TUSC3: variants seen among roughly 807,000 people sequenced by gnomAD.
TUSC3 encodes dolichyl-diphosphooligosaccharide--protein glycosyltransferase subunit TUSC3.
Under a neutral mutation model 44.8 loss-of-function variants are expected in TUSC3, and 45 were observed. The ratio of observed to expected loss-of-function variants is 1.00; its 90% CI spans 0.79 to 1.29. The LOEUF (loss-of-function observed/expected upper bound fraction) is 1.29. Among genes scored for constraint, TUSC3 ranks in the 50% most tolerant of loss-of-function variants. The probability of loss-of-function intolerance (pLI) is 0.00; values close to 1 mark genes in which losing one functional copy is unlikely to be tolerated. For synonymous variants in TUSC3, 212 were observed against 152.9 expected (o/e 1.39, Z -2.85); for missense variants, 519 against 437.9 (o/e 1.19, Z -1.65).
intron 1 of TUSC3, among the ~76,000 whole-genome samples, chr8:15,555,304 TTTTTTTTA>T (rs1307011809): frequency 1.9e-5 from 2 of 103,252 alleles, no homozygotes; most frequent in Admixed American, 1.1e-4. Flanking sequence ...TTTTTTTTTT[TTTTTTTTA>T]AAGACATGGT....
rs1156711041 is a variant in TUSC3, at chr8:15,765,992, A to G, written c.*1836A>G. ...TAAATGATATTACAAATTATCTCTA[A>G]TCTCACTGTAAATCTTTTAATCATA... On this transcript the variant is annotated 3_prime_UTR_variant, in exon 11 of 11. Coordinates refer to ENST00000503731, the MANE Select transcript of TUSC3 (RefSeq NM_006765.4). 2 of 152,064 alleles carry G rather than the reference A, an allele frequency of 1.3e-5. No individual in the cohort carries two copies. The highest frequency in any genetic ancestry group is 2.9e-5 in the Non-Finnish European group (2 of 67,962). 9.4% of individuals were successfully genotyped at this position (152,064 alleles called of 1,614,324 possible). A position where few individuals can be genotyped will look rare whatever the true frequency, so the allele number is the denominator to read the frequency against.
At chr8:15,748,535 A>G (rs748278692) in intron 9 of TUSC3, 70 bp downstream of exon 9, 1 of 1,313,074 alleles carries the variant, frequency 7.6e-7, no homozygotes, top group Admixed American at 1.7e-5. Context: ...TGGTTAATAT[A>G]TAATTAAGGA....
intron 1 of TUSC3, among the ~76,000 whole-genome samples, chr8:15,427,080 T>G (rs1349470914): frequency 4.4e-5 from 6 of 136,654 alleles, no homozygotes; most frequent in South Asian, 2.6e-4. Context: ...TTGGTGTTTG[T>G]TTTTTTTTTG....
At chr8:15,718,790 C>T (rs1810170959) in intron 6 of TUSC3, among the ~76,000 whole-genome samples, 1 of 151,988 alleles carries the variant, frequency 6.6e-6, no homozygotes, top group Admixed American at 6.6e-5. Context: ...ACTACAAATA[C>T]TCAAATATGT....
At chr8:15,586,612 A>C (rs746487882) in intron 1 of TUSC3, among the ~76,000 whole-genome samples, 2 of 152,130 alleles carry the variant, frequency 1.3e-5, no homozygotes, top group Non-Finnish European at 2.9e-5. Context: ...TGTGAATGCA[A>C]ATCATTTGGA....
intron 1 of TUSC3, among the ~76,000 whole-genome samples, chr8:15,429,063 G>A (rs1476776971): frequency 6.6e-6 from 1 of 152,138 alleles, no homozygotes; most frequent in African/African-American, 2.4e-5. Flanking sequence ...GTCCTGAATG[G>A]TAATGCCTAG....
the TUSC3 span, among the ~76,000 whole-genome samples, chr8:15,794,754 T>G: frequency 6.6e-6 from 1 of 152,066 alleles, no homozygotes; most frequent in Non-Finnish European, 1.5e-5. Context: ...TAATTGATAG[T>G]AAGCACATTT....
intron 5 of TUSC3, among the ~76,000 whole-genome samples, chr8:15,670,571 A>AT (rs1807903700): frequency 6.6e-6 from 1 of 151,928 alleles, no homozygotes; most frequent in Non-Finnish European, 1.5e-5. Context: ...AAATGCGAAC[A>AT]TTAGCACTTT....
the TUSC3 span, among the ~76,000 whole-genome samples, chr8:15,790,019 G>A: frequency 6.6e-6 from 1 of 152,040 alleles, no homozygotes; most frequent in Admixed American, 6.6e-5. Context: ...AGTGAACCCA[G>A]AGCCAGAAGC....
intron 2 of TUSC3, among the ~76,000 whole-genome samples, chr8:15,499,339 A>G (rs955951817): frequency 2.0e-5 from 3 of 152,184 alleles, no homozygotes; most frequent in Non-Finnish European, 4.4e-5. Flanking sequence ...CAGTTTTGTC[A>G]TATGTATACA....
At position 15,457,266 on chromosome 8, in the gene TUSC3, T is replaced by C. The variant is rs543267773; in HGVS notation, n.92-26120T>C. Among the ~76,000 whole-genome samples the C allele has an allele frequency of 7.9e-4, 120 of 152,012 alleles. 1 individual carries two copies. The highest frequency in any genetic ancestry group is 2.8e-3 in the African/African-American group (114 of 41,446). On this transcript the variant is annotated intron_variant and non_coding_transcript_variant, in intron 1 of 5. Transcript: ENST00000503191. ...CACCAACATGGCACGTGTATACATA[T>C]GTAACAAACCTGAACGTTGTGCACA...
intron 1 of TUSC3, among the ~76,000 whole-genome samples, chr8:15,441,616 C>G (rs948730432): frequency 2.0e-5 from 3 of 152,128 alleles, no homozygotes; most frequent in Admixed American, 6.5e-5. Flanking sequence ...CAACTGTTCT[C>G]TTATCAATAT....
chr8:15,678,890 T>C (rs1371133650), intron 6 of TUSC3, among the ~76,000 whole-genome samples: 1 of 152,180 alleles, frequency 6.6e-6, no homozygotes, highest in Admixed American at 6.5e-5. Flanking sequence ...GTTTTCTGTT[T>C]CTGTGTGAAT....
At chr8:15,720,137 C>T (rs971779914) in intron 6 of TUSC3, among the ~76,000 whole-genome samples, 2 of 147,796 alleles carry the variant, frequency 1.4e-5, no homozygotes, top group African/African-American at 5.0e-5. Flanking sequence ...AGGCTGAGTG[C>T]CAAAAAGTAT....
intron 3 of TUSC3, among the ~76,000 whole-genome samples, chr8:15,655,191 G>T (rs1209043389): frequency 6.6e-6 from 1 of 152,102 alleles, no homozygotes; most frequent in Non-Finnish European, 1.5e-5. Flanking sequence ...GCTAGGAAAG[G>T]CAGTCTCCCA....
In TUSC3 at chr8:15,629,675, ATAGT is replaced by A. The variant is rs1482225878; in HGVS notation, c.308+6430_308+6433del. ...ATTGTTTAGGATCTTTGAAAAGTTC[ATAGT>A]TAGAATTTAAAAATCGTAGTACTTT... On this transcript the variant is annotated intron_variant, in intron 2 of 10. Coordinates refer to ENST00000503731, the MANE Select transcript of TUSC3 (RefSeq NM_006765.4). Among the ~76,000 whole-genome samples the A allele has an allele frequency of 2.0e-5, 3 of 149,998 alleles. No homozygotes were observed. The Admixed American group carries it at 2.0e-4, about 10-fold the overall frequency.
chr8:15,665,921 T>C (rs561551091), intron 5 of TUSC3, among the ~76,000 whole-genome samples: 1 of 151,562 alleles, frequency 6.6e-6, no homozygotes, highest in African/African-American at 2.4e-5. Flanking sequence ...GTTCTGGTTC[T>C]GGTTTCACTC....
chr8:15,490,112 T>C (rs1413719720), intron 2 of TUSC3, among the ~76,000 whole-genome samples: 2 of 152,234 alleles, frequency 1.3e-5, no homozygotes, highest in Admixed American at 1.3e-4. Context: ...GTTTGTTAGT[T>C]TGATTTGGTT....
chr8:15,650,907 C>T (rs1048396909), intron 3 of TUSC3, 93 bp downstream of exon 3: 1 of 1,374,374 alleles, frequency 7.3e-7, no homozygotes, highest in Non-Finnish European at 1.0e-6. Context: ...CATTCATCGT[C>T]TGAACCTGGG....
Sources: allele counts gnomAD v4.1 joint callset (sites outside exome capture counted in the v4.1 genomes callset), GRCh38; gene constraint gnomAD v4.1.1; transcripts MANE v1.5; gene names NCBI Gene and HGNC (gene_info 2026-07-23, HGNC 2026-07-21).